RIC3: variants seen among roughly 807,000 people sequenced by gnomAD.
RIC3 encodes the protein protein RIC-3.
In RIC3, 28 loss-of-function variants were observed where a neutral mutation model predicts 27.3. The observed-to-expected ratio is 1.02, with a 90% CI of 0.76 to 1.41. The LOEUF (loss-of-function observed/expected upper bound fraction) is 1.41, where lower values mean the gene tolerates loss of function less well. Ranked by LOEUF, RIC3 falls within the 40% of genes most tolerant of loss-of-function variation. The probability of loss-of-function intolerance (pLI) is 0.00; values close to 1 mark genes in which losing one functional copy is unlikely to be tolerated. For synonymous variants in RIC3, 184 were observed against 160.4 expected (o/e 1.15, Z -1.11); for missense variants, 501 against 444.7 (o/e 1.13, Z -1.14).
intron 4 of RIC3, among the ~76,000 whole-genome samples, chr11:8,134,473 T>C (rs1019686717): frequency 2.0e-5 from 3 of 152,244 alleles, no homozygotes; most frequent in African/African-American, 7.2e-5. Flanking sequence ...CATGTGTCTT[T>C]ATAGCAGCAT....
chr11:8,140,008 C>T lies in RIC3; in HGVS notation c.310G>A (p.Gly104Ser), dbSNP rs756868672. 145 of 1,613,876 alleles carry T rather than the reference C, an allele frequency of 9.0e-5. No individual in the cohort carries two copies. The highest frequency in any genetic ancestry group is 1.1e-4 in the Non-Finnish European group (126 of 1,180,024). Reference sequence around the variant, plus strand: ...AGTATATATAAAAAAATCCCAAAACCGTAGATTGGAATAATCTGCCCCATC... The same window carrying T: ...AGTATATATAAAAAAATCCCAAAACTGTAGATTGGAATAATCTGCCCCATC... ...GLMGQIIPIY[G>S]FGIFLYILYI... Residue 104 changes from glycine to serine, a missense_variant, in exon 2 of 6, where the codon GGT becomes AGT. Gly to Ser is a moderately conservative substitution (Grantham distance 56). Transcript: ENST00000309737.
intron 1 of RIC3, among the ~76,000 whole-genome samples, chr11:8,148,895 A>T (rs1949971880): frequency 6.6e-6 from 1 of 151,762 alleles, no homozygotes; most frequent in African/African-American, 2.4e-5. Flanking sequence ...AAAAAAGAGG[A>T]GTTGGCTGGG....
chr11:8,104,659 C>T (rs1191689415), downstream of RIC3: 1 of 151,828 alleles, frequency 6.6e-6, no homozygotes, highest in Non-Finnish European at 1.5e-5. Flanking sequence ...AGGACACCAT[C>T]CAAGAATGTT....
intron 1 of RIC3, among the ~76,000 whole-genome samples, chr11:8,166,018 G>A (rs1951666420): frequency 6.6e-6 from 1 of 152,028 alleles, no homozygotes; most frequent in African/African-American, 2.4e-5. Context: ...CGAACTCCCA[G>A]GCTCAAGCAA....
intron 4 of RIC3, chr11:8,128,352 A>T (rs1360037894): frequency 1.1e-5 from 5 of 443,080 alleles, no homozygotes; most frequent in Non-Finnish European, 2.3e-5. Flanking sequence ...AGAAGCCCTT[A>T]TCCTAAAAGA....
intron 1 of RIC3, among the ~76,000 whole-genome samples, chr11:8,160,034 A>G: frequency 6.6e-6 from 1 of 152,182 alleles, no homozygotes; most frequent in Non-Finnish European, 1.5e-5. Flanking sequence ...TAAAAAAAGA[A>G]AGAAAAAAAG....
At position 8,110,407 on chromosome 11, in the gene RIC3, T is replaced by C. The variant is rs1005694931; in HGVS notation, c.*291A>G. 2 of 477,132 alleles carry C rather than the reference T, an allele frequency of 4.2e-6. No individual in the cohort carries two copies. The highest frequency in any genetic ancestry group is 7.7e-6 in the Non-Finnish European group (2 of 259,234). 29.6% of individuals were successfully genotyped at this position (477,132 alleles called of 1,614,324 possible). A position where few individuals can be genotyped will look rare whatever the true frequency, so the allele number is the denominator to read the frequency against. The stretch of plus-strand genomic sequence containing the variant: ...AGACCTTTGCCCCTGAGTGGTCCCA[T>C]CTGTAATTACAATAGACCAAACATA... On this transcript the variant is annotated 3_prime_UTR_variant, in exon 6 of 6. Transcript: ENST00000309737.
intron 1 of RIC3, among the ~76,000 whole-genome samples, chr11:8,152,091 A>AT (rs1482220534): frequency 6.6e-6 from 1 of 152,196 alleles, no homozygotes; most frequent in Non-Finnish European, 1.5e-5. Flanking sequence ...AATGAAAAAG[A>AT]TAATAGCAAG....
At position 8,111,071 on chromosome 11, in the gene RIC3, A is replaced by G. The variant is rs555887644; in HGVS notation, c.737T>C (p.Ile246Thr). ...SDCIKRRQET[I>T]LVDYPDPKEL... is the part of the protein sequence containing the mutation. ...TTTTGGGTCAGGGTAATCCACCAAG[A>G]TTGTTTCTTGCCTACGCTTGATACA... The change falls in exon 6 of 6, where the codon ATC becomes ACC. Residue 246 changes from isoleucine to threonine, a missense_variant. By Grantham distance (89) the Ile-to-Thr change is moderately conservative. Transcript: ENST00000309737. The G allele has an allele frequency of 3.7e-6, 6 of 1,613,930 alleles. No individual in the cohort carries two copies. The highest frequency in any genetic ancestry group is 5.1e-6 in the Non-Finnish European group (6 of 1,180,008).
At chr11:8,159,778 G>A (rs1012817499) in intron 1 of RIC3, among the ~76,000 whole-genome samples, 1 of 152,134 alleles carries the variant, frequency 6.6e-6, no homozygotes, top group African/African-American at 2.4e-5. Context: ...ATCATCTGAG[G>A]TCAAGGGTTC....
At position 8,137,458 on chromosome 11, in the gene RIC3, A is replaced by T; in HGVS notation, c.441T>A (p.Leu147=). 6.2e-7 allele frequency: 1 copy of T among 1,613,968 alleles called. No homozygotes were observed. Among genetic ancestry groups the T allele is most frequent in the Non-Finnish European group, 8.5e-7 (1 of 1,180,034 alleles). Residue 147 remains leucine, a synonymous_variant, in exon 4 of 6, where the codon CTT becomes CTA. Transcript: ENST00000309737. The stretch of plus-strand genomic sequence containing the variant: ...CCTTCAGTTTTTCTTGCAGTTGAGC[A>T]AGCTCAAAACTGGCTAAAAAATAAG... ...NTHRKITSFE[L]AQLQEKLKET... is the part of the protein sequence containing the mutation.
intron 1 of RIC3, among the ~76,000 whole-genome samples, chr11:8,144,926 A>T (rs1390499520): frequency 6.7e-6 from 1 of 148,934 alleles, no homozygotes; most frequent in Non-Finnish European, 1.5e-5. Context: ...AAACTATCGC[A>T]AGAACAAAAA....
intron 1 of RIC3, among the ~76,000 whole-genome samples, chr11:8,165,072 G>T (rs1207756554): frequency 6.6e-6 from 1 of 152,162 alleles, no homozygotes; most frequent in Non-Finnish European, 1.5e-5. Flanking sequence ...AAATGGTACA[G>T]CTGCTTTGGA....
chr11:8,124,420 T>C (rs1470455439), intron 5 of RIC3, among the ~76,000 whole-genome samples: 2 of 152,170 alleles, frequency 1.3e-5, no homozygotes, highest in African/African-American at 4.8e-5. Flanking sequence ...TATAAGACGT[T>C]CATGAACTAG....
chr11:8,097,116 G>C, the RIC3 span: 1 of 1,242,180 alleles, frequency 8.1e-7, no homozygotes. Flanking sequence ...CCAATCCCAG[G>C]ATCCTTCCCT....
the RIC3 span, among the ~76,000 whole-genome samples, chr11:8,093,552 AGTT>A: frequency 6.6e-5 from 10 of 152,092 alleles, 1 homozygote; most frequent in African/African-American, 2.2e-4. Context: ...TGTGTCCCAG[AGTT>A]GTTGTTCTGA....
intron 3 of RIC3, 149 bp from the exon 4 acceptor site, chr11:8,137,620 G>C: frequency 1.9e-6 from 1 of 527,116 alleles, no homozygotes; most frequent in South Asian, 3.7e-5. Context: ...AGGATTCTGT[G>C]AATATTTAAG....
At chr11:8,145,180 T>TA (rs913326510) in intron 1 of RIC3, among the ~76,000 whole-genome samples, 46 of 102,760 alleles carry the variant, frequency 4.5e-4, no homozygotes, top group South Asian at 1.2e-3. Context: ...TAAAGTATAA[T>TA]AAAAAAAAAT....
chr11:8,097,093 G>T, the RIC3 span: 30 of 996,492 alleles, frequency 3.0e-5, no homozygotes, highest in African/African-American at 4.2e-4. Flanking sequence ...CCCAGGCCCA[G>T]GCTGGCCAGG....
Sources: gnomAD v4.1 joint callset for allele counts (sites outside exome capture counted in the v4.1 genomes callset) on GRCh38, gnomAD v4.1.1 for gene constraint, MANE v1.5 for transcripts, NCBI Gene and HGNC (gene_info 2026-07-23, HGNC 2026-07-21) for gene names.